Variants in SLC6A6 observed in about 807,000 individuals in gnomAD.
SLC6A6 encodes the protein sodium- and chloride-dependent taurine transporter.
Under a neutral mutation model 68.8 loss-of-function variants are expected in SLC6A6, and 16 were observed. The ratio of observed to expected loss-of-function variants is 0.23; its 90% confidence interval spans 0.16 to 0.35. The LOEUF is 0.35. Among genes scored for constraint, SLC6A6 ranks in the 10% least tolerant of loss-of-function variants. The pLI, the probability that SLC6A6 is intolerant of heterozygous loss-of-function variation, is 1.00. For synonymous variants in SLC6A6, 312 were observed against 315.4 expected (o/e 0.99, Z 0.12); for missense variants, 474 against 802.8 (o/e 0.59, Z 4.95).
At chr3:14,436,984 A>G (rs1699871424) in intron 2 of SLC6A6, among the ~76,000 whole-genome samples, 1 of 152,200 alleles carries the variant, frequency 6.6e-6, no homozygotes, top group South Asian at 2.1e-4. Context: ...CATAGCAGCT[A>G]CAGTAGTTGA....
chr3:14,469,770 T>C (rs1700710027), intron 9 of SLC6A6, among the ~76,000 whole-genome samples: 2 of 152,134 alleles, frequency 1.3e-5, no homozygotes, highest in Non-Finnish European at 2.9e-5. Context: ...CTTCTTTGCT[T>C]GGCAGAGATG....
intron 2 of SLC6A6, among the ~76,000 whole-genome samples, chr3:14,419,992 G>A (rs1699451581): frequency 6.6e-6 from 1 of 152,192 alleles, no homozygotes; most frequent in Non-Finnish European, 1.5e-5. Context: ...ATATAGGAGT[G>A]TTGATATAAC....
At chr3:14,437,994 ATTTTTTT>A (rs34038422) in intron 2 of SLC6A6, among the ~76,000 whole-genome samples, 3 of 118,324 alleles carry the variant, frequency 2.5e-5, no homozygotes, top group African/African-American at 3.3e-5. Flanking sequence ...CATCTGGCTA[ATTTTTTT>A]TTTTTTTTTT....
Position 14,489,243 on chromosome 3 carries a change from T to C in SLC6A6, c.*4236T>C, listed in dbSNP as rs1322547075. ...GCAGGGGTTTTTTTCTCTTTTGCTT[T>C]TTAGATAAATATGTATATCAATATT... On this transcript the variant is annotated 3_prime_UTR_variant, in exon 15 of 15. Coordinates refer to ENST00000622186, the MANE Select transcript of SLC6A6 (RefSeq NM_003043.6). The C allele has an allele frequency of 6.6e-6, 1 of 152,616 alleles. No individual in the cohort carries two copies. Among genetic ancestry groups the C allele is most frequent in the Non-Finnish European group, 1.5e-5 (1 of 68,042 alleles). 9.5% of individuals were successfully genotyped at this position (152,616 alleles called of 1,614,324 possible).
chr3:14,410,090 G>T (rs1331766076), intron 1 of SLC6A6, among the ~76,000 whole-genome samples: 1 of 150,764 alleles, frequency 6.6e-6, no homozygotes, highest in African/African-American at 2.4e-5. Flanking sequence ...GGAGGCTGAG[G>T]CAGGAGAATC....
intron 1 of SLC6A6, among the ~76,000 whole-genome samples, chr3:14,406,117 TC>T (rs1699102745): frequency 6.6e-6 from 1 of 152,060 alleles, no homozygotes; most frequent in African/African-American, 2.4e-5. Context: ...TAGAACAGGT[TC>T]CCCGGGTCCT....
At chr3:14,451,475 C>T (rs1700249610) in intron 5 of SLC6A6, among the ~76,000 whole-genome samples, 1 of 152,182 alleles carries the variant, frequency 6.6e-6, no homozygotes, top group African/African-American at 2.4e-5. Context: ...TTGGCTAGAG[C>T]ATAGGATGCA....
intron 10 of SLC6A6, among the ~76,000 whole-genome samples, chr3:14,475,154 C>G (rs1417877849): frequency 6.6e-6 from 1 of 152,204 alleles, no homozygotes; most frequent in Non-Finnish European, 1.5e-5. Context: ...GCCTCAGCCT[C>G]CCAAGTAGCT....
In SLC6A6 at chr3:14,402,683, C is replaced by G. The variant is rs1574897539; in HGVS notation, c.-218C>G. Reference sequence around the variant, plus strand: ...TAAATTACCGCTTCCTTCGCGCCGCCGCCAACGCCGAGCCCCGAGGACCGC... The same window carrying G: ...TAAATTACCGCTTCCTTCGCGCCGCGGCCAACGCCGAGCCCCGAGGACCGC... On this transcript the variant is annotated 5_prime_UTR_variant, in exon 1 of 15. Transcript: ENST00000622186. The surrounding 1 kb of genome is among the most constrained non-coding windows in gnomAD (Gnocchi z 4.8). The G allele has an allele frequency of 2.5e-6, 1 of 398,326 alleles. No individual in the cohort carries two copies. The allele number at this position is 398,326 out of a possible 1,614,324, so 24.7% of individuals were successfully genotyped here. A position where few individuals can be genotyped will look rare whatever the true frequency, so the allele number is the denominator to read the frequency against.
intron 10 of SLC6A6, among the ~76,000 whole-genome samples, chr3:14,473,137 G>A (rs1270836973): frequency 6.6e-6 from 1 of 152,230 alleles, no homozygotes; most frequent in Admixed American, 6.5e-5. Flanking sequence ...GTGTGGGGTA[G>A]TCAGCAGTGC....
chr3:14,406,393 A>G (rs1699108619), intron 1 of SLC6A6, among the ~76,000 whole-genome samples: 1 of 152,198 alleles, frequency 6.6e-6, no homozygotes, highest in Admixed American at 6.5e-5. Context: ...ATAGTGGGGC[A>G]GAAGCCAGTC....
Position 14,443,618 on chromosome 3 carries a change from C to A in SLC6A6, c.-11-6C>A. On this transcript the variant is annotated splice_region_variant and splice_polypyrimidine_tract_variant and intron_variant, in intron 2 of 14. Transcript: ENST00000622186. Reference sequence around the variant, plus strand: ...CTGCAGGATGCTTCTCTTTTGTCCCCCATAGAAAGCAAGGAGATGGCCACC... The same window carrying A: ...CTGCAGGATGCTTCTCTTTTGTCCCACATAGAAAGCAAGGAGATGGCCACC... 6.3e-7 allele frequency: 1 copy of A among 1,578,458 alleles called. No homozygotes were observed. The highest frequency in any genetic ancestry group is 8.7e-7 in the Non-Finnish European group (1 of 1,149,940).
Position 14,453,186 on chromosome 3 carries a change from C to T in SLC6A6, c.600-4764C>T, listed in dbSNP as rs141796290. On this transcript the variant is annotated intron_variant, in intron 5 of 14. Transcript: ENST00000622186. The stretch of plus-strand genomic sequence containing the variant: ...GCAGTCAAAAGGAAACGATTTGGCC[C>T]GCTAGGAGGACGTATTTACATCTCT... 5.9e-3 allele frequency among the ~76,000 whole-genome samples: 905 copies of T among 152,308 alleles called. 8 individuals carry two copies. Among genetic ancestry groups the T allele is most frequent in the Non-Finnish European group, 8.2e-3 (561 of 68,028 alleles).
At chr3:14,449,591 T>C (rs1383239538) in intron 5 of SLC6A6, among the ~76,000 whole-genome samples, 1 of 152,210 alleles carries the variant, frequency 6.6e-6, no homozygotes, top group Non-Finnish European at 1.5e-5. Flanking sequence ...ACCCTCACTT[T>C]GCCACTTCTA....
Position 14,477,712 on chromosome 3 carries a change from C to T in SLC6A6, c.1347+370C>T, listed in dbSNP as rs1444292048. Among the ~76,000 whole-genome samples, 1 of 152,152 alleles carries T rather than the reference C, an allele frequency of 6.6e-6. No individual in the cohort carries two copies. Among genetic ancestry groups the T allele is most frequent in the African/African-American group, 2.4e-5 (1 of 41,420 alleles). ...ATTCTCAAGGGTAAACGCAGGCCTC[C>T]CAGGAAATACCACAGCACCACGTAG... On this transcript the variant is annotated intron_variant, in intron 11 of 14. Coordinates refer to ENST00000622186, the MANE Select transcript of SLC6A6 (RefSeq NM_003043.6). This position sits in a 1 kb window ranked among gnomAD's most constrained non-coding sequence, Gnocchi z 4.2.
At chr3:14,456,548 T>C (rs61277107) in intron 5 of SLC6A6, among the ~76,000 whole-genome samples, 4,684 of 152,282 alleles carry the variant, frequency 0.031, 253 homozygotes, top group African/African-American at 0.11. Flanking sequence ...AAAGTCCTTA[T>C]GTTGAAGCTT....
intron 2 of SLC6A6, among the ~76,000 whole-genome samples, chr3:14,442,132 G>C (rs1700003935): frequency 6.6e-6 from 1 of 152,240 alleles, no homozygotes; most frequent in South Asian, 2.1e-4. Context: ...ACGTGACAAG[G>C]TGGTCACATC....
At chr3:14,423,525 T>A (rs1407973062) in intron 2 of SLC6A6, among the ~76,000 whole-genome samples, 1 of 152,168 alleles carries the variant, frequency 6.6e-6, no homozygotes, top group Non-Finnish European at 1.5e-5. Context: ...TTCCTCATAA[T>A]AAGCCTCCTG....
chr3:14,436,056 C>G (rs192768981), intron 2 of SLC6A6, among the ~76,000 whole-genome samples: 1 of 152,196 alleles, frequency 6.6e-6, no homozygotes. Flanking sequence ...AGATACAGAC[C>G]TCATGATACA....
Sources: allele counts gnomAD v4.1 joint callset (sites outside exome capture counted in the v4.1 genomes callset), GRCh38; gene constraint gnomAD v4.1.1; non-coding constraint Gnocchi (gnomAD v3.1); transcripts MANE v1.5; gene names NCBI Gene and HGNC (gene_info 2026-07-23, HGNC 2026-07-21).